RGS21: variants seen among roughly 807,000 people sequenced by gnomAD.
RGS21 encodes regulator of G-protein signalling 21.
Under a neutral mutation model 18.7 loss-of-function variants are expected in RGS21, and 19 were observed. That is an observed-to-expected ratio of 1.01 (90% CI 0.71 to 1.49). The LOEUF is 1.49. Among genes scored for constraint, RGS21 ranks in the 40% most tolerant of loss-of-function variants. RGS21 has a pLI of 0.00. For synonymous variants in RGS21, 56 were observed against 57.8 expected (o/e 0.97, Z 0.14); for missense variants, 194 against 176.8 (o/e 1.10, Z -0.55).
Position 192,342,981 on chromosome 1 carries a change from A to C in RGS21, c.-56A>C, listed in dbSNP as rs963175505. The C allele has an allele frequency of 6.3e-7, 1 of 1,589,714 alleles. No homozygotes were observed. The highest frequency in any genetic ancestry group is 1.3e-5 in the African/African-American group (1 of 74,444). ...CTGCTGTCACATTACCTTCAGCTTG[A>C]AGATCAGTCAGAAAGAGAAACTCGG... On this transcript the variant is annotated 5_prime_UTR_variant, in exon 2 of 5. Coordinates refer to ENST00000417209, the MANE Select transcript of RGS21 (RefSeq NM_001039152.3).
chr1:192,318,803 C>T (rs1041478539), intron 1 of RGS21, among the ~76,000 whole-genome samples: 1 of 151,972 alleles, frequency 6.6e-6, no homozygotes, highest in Admixed American at 6.6e-5. Context: ...ATTGCTGATC[C>T]ATGTCATTGT....
intron 3 of RGS21, among the ~76,000 whole-genome samples, chr1:192,348,284 C>T (rs2102232474): frequency 6.6e-6 from 1 of 152,212 alleles, no homozygotes; most frequent in East Asian, 1.9e-4. Flanking sequence ...CCTTGACCTC[C>T]CAAAGTGCTA....
intron 2 of RGS21, among the ~76,000 whole-genome samples, chr1:192,345,170 T>C (rs776082460): frequency 1.6e-4 from 25 of 152,098 alleles, no homozygotes; most frequent in Non-Finnish European, 3.2e-4. Context: ...TCAAGAAATA[T>C]GCCTTTTTGC....
chr1:192,328,910 T>C (rs1382591616), intron 1 of RGS21, among the ~76,000 whole-genome samples: 1 of 152,130 alleles, frequency 6.6e-6, no homozygotes, highest in Non-Finnish European at 1.5e-5. Flanking sequence ...AAGCTTGATA[T>C]TGAAGTCTCA....
chr1:192,324,149 A>C (rs573813715), intron 1 of RGS21, among the ~76,000 whole-genome samples: 1 of 141,282 alleles, frequency 7.1e-6, no homozygotes, highest in African/African-American at 2.8e-5. Flanking sequence ...ATAACTTCAT[A>C]AAAACAGCAT....
chr1:192,356,488 G>A (rs936296656), intron 4 of RGS21, among the ~76,000 whole-genome samples: 2 of 151,716 alleles, frequency 1.3e-5, no homozygotes, highest in African/African-American at 4.8e-5. Flanking sequence ...AGAGAAAATG[G>A]CAAAGCAACA....
At chr1:192,317,839 T>C (rs1358175080) in intron 1 of RGS21, among the ~76,000 whole-genome samples, 1 of 152,034 alleles carries the variant, frequency 6.6e-6, no homozygotes, top group East Asian at 1.9e-4. Context: ...TATTAACTTA[T>C]AACTTATATT....
chr1:192,355,383 TA>T (rs1334387996), intron 4 of RGS21, among the ~76,000 whole-genome samples: 1 of 151,674 alleles, frequency 6.6e-6, no homozygotes, highest in African/African-American at 2.4e-5. Flanking sequence ...AGCTTATTTC[TA>T]AGAACATATG....
chr1:192,333,965 TA>T (rs2102226276), intron 1 of RGS21, among the ~76,000 whole-genome samples: 2 of 152,238 alleles, frequency 1.3e-5, no homozygotes, highest in South Asian at 4.1e-4. Flanking sequence ...TATGTCAAAA[TA>T]AAAAGCTGAA....
intron 4 of RGS21, among the ~76,000 whole-genome samples, chr1:192,360,876 G>A (rs983881704): frequency 1.3e-5 from 2 of 151,950 alleles, no homozygotes; most frequent in African/African-American, 2.4e-5. Flanking sequence ...CCTTAGGGAC[G>A]CAATTTTTTT....
chr1:192,320,648 TA>T (rs1478843181), intron 1 of RGS21, among the ~76,000 whole-genome samples: 1 of 152,028 alleles, frequency 6.6e-6, no homozygotes, highest in Non-Finnish European at 1.5e-5. Flanking sequence ...CTACCAGTGA[TA>T]AAGCTAAAAC....
At chr1:192,317,321 G>A (rs574025216) in intron 1 of RGS21, among the ~76,000 whole-genome samples, 7 of 151,854 alleles carry the variant, frequency 4.6e-5, no homozygotes, top group Admixed American at 3.9e-4. Context: ...CTGACACTTT[G>A]CCAACTAGTC....
chr1:192,332,272 G>T (rs922787432), intron 1 of RGS21, among the ~76,000 whole-genome samples: 2 of 151,966 alleles, frequency 1.3e-5, no homozygotes, highest in African/African-American at 4.8e-5. Context: ...AAAATGCAAA[G>T]AAATGAGAAT....
chr1:192,336,464 T>TA (rs1553239621), intron 1 of RGS21, among the ~76,000 whole-genome samples: 5 of 151,960 alleles, frequency 3.3e-5, no homozygotes, highest in African/African-American at 7.2e-5. Context: ...AAAAAATAAA[T>TA]AAATAAAATA....
intron 1 of RGS21, among the ~76,000 whole-genome samples, chr1:192,327,964 C>T (rs1571449595): frequency 6.6e-6 from 1 of 152,108 alleles, no homozygotes; most frequent in East Asian, 1.9e-4. Flanking sequence ...TATAATGTCT[C>T]ATGAAATGCT....
chr1:192,325,793 G>A (rs1658561313), intron 1 of RGS21, among the ~76,000 whole-genome samples: 1 of 151,898 alleles, frequency 6.6e-6, no homozygotes, highest in Admixed American at 6.6e-5. Flanking sequence ...TTGTAATTGG[G>A]TTGTTTTTTG....
At chr1:192,351,700 C>CTA (rs1442181062) in intron 3 of RGS21, among the ~76,000 whole-genome samples, 20 of 146,066 alleles carry the variant, frequency 1.4e-4, no homozygotes, top group South Asian at 6.4e-4. Context: ...GCTATATATG[C>CTA]TATATATAGC....
At chr1:192,363,015 CA>C (rs1458476680) in intron 4 of RGS21, among the ~76,000 whole-genome samples, 2 of 151,940 alleles carry the variant, frequency 1.3e-5, no homozygotes, top group African/African-American at 4.8e-5. Flanking sequence ...AATTTAAAGA[CA>C]AAAAGACTTG....
intron 4 of RGS21, among the ~76,000 whole-genome samples, chr1:192,361,764 C>T (rs895889711): frequency 6.6e-6 from 1 of 152,024 alleles, no homozygotes; most frequent in African/African-American, 2.4e-5. Context: ...TCTGGCTGGT[C>T]TTTAACTCCT....
Sources: allele counts gnomAD v4.1 joint callset (sites outside exome capture counted in the v4.1 genomes callset), GRCh38; gene constraint gnomAD v4.1.1; transcripts MANE v1.5; gene names NCBI Gene and HGNC (gene_info 2026-07-23, HGNC 2026-07-21).